The following G3BP2 variants were observed in gnomAD, a reference collection of about 807,000 sequenced individuals.
G3BP2 encodes the protein G3BP stress granule assembly factor 2.
G3BP2 carries 11 observed loss-of-function variants against 56.7 expected under a neutral mutation model. That is an observed-to-expected ratio of 0.19 (90% CI 0.12 to 0.32). The LOEUF is 0.32. Among genes scored for constraint, G3BP2 ranks in the 10% least tolerant of loss-of-function variants. G3BP2 has a pLI of 1.00. For missense variants in G3BP2, 340 were observed against 610.9 expected, an observed-to-expected ratio of 0.56 and a Z score of 4.67; for synonymous variants, 165 against 191.6, an observed-to-expected ratio of 0.86 and a Z score of 1.15.
At chr4:75,723,084 CAAG>C (rs1480942877) in intron 1 of G3BP2, among the ~76,000 whole-genome samples, 1 of 152,108 alleles carries the variant, frequency 6.6e-6, no homozygotes, top group African/African-American at 2.4e-5. Flanking sequence ...GGAAAGCTTT[CAAG>C]AATGATGTCA....
intron 10 of G3BP2, 128 bp from the exon 11 acceptor site, chr4:75,646,584 C>T: frequency 1.5e-6 from 1 of 687,104 alleles, no homozygotes; most frequent in Non-Finnish European, 2.6e-6. Context: ...AGCTTCTACA[C>T]ACAGTGATAG....
At chr4:75,659,937 G>GATC (rs773540387) in intron 2 of G3BP2, among the ~76,000 whole-genome samples, 1 of 152,284 alleles carries the variant, frequency 6.6e-6, no homozygotes, top group Non-Finnish European at 1.5e-5. Context: ...GCCTCAGAAT[G>GATC]ATCATCTCTT....
chr4:75,693,211 T>C (rs1718945244), intron 3 of G3BP2, among the ~76,000 whole-genome samples: 1 of 151,946 alleles, frequency 6.6e-6, no homozygotes, highest in African/African-American at 2.4e-5. Flanking sequence ...GCCACTTCAC[T>C]CCAGCCTGGC....
chr4:75,654,162 TTTC>T (rs1731910876), intron 7 of G3BP2, 81 bp from the exon 8 acceptor site: 1 of 696,334 alleles, frequency 1.4e-6, no homozygotes, highest in Non-Finnish European at 2.6e-6. Flanking sequence ...AAATATATAT[TTTC>T]TTTTCATTTC....
chr4:75,664,972 C>CAG lies in G3BP2; in HGVS notation c.-24-2925_-24-2924dup, dbSNP rs1732886075. Among the ~76,000 whole-genome samples the CAG allele has an allele frequency of 2.6e-5, 4 of 152,224 alleles. No homozygotes were observed. In the South Asian group the frequency reaches 8.3e-4, roughly 32 times the overall value. On this transcript the variant is annotated intron_variant, in intron 1 of 11. Coordinates refer to ENST00000359707, the MANE Select transcript of G3BP2 (RefSeq NM_203505.3). ...AGGAGTTCAAGACCAGCCTGGCCAA[C>CAG]AGAGAGACCCCATCTCTATACAAAA... is the stretch of plus-strand genomic sequence containing the variant.
At chr4:75,702,133 C>T (rs571420044) in intron 3 of G3BP2, among the ~76,000 whole-genome samples, 69 of 150,794 alleles carry the variant, frequency 4.6e-4, no homozygotes, top group Middle Eastern at 3.4e-3. Flanking sequence ...CTATAAGTGC[C>T]GTTCCCCCCT....
At chr4:75,709,699 G>A (rs1261324094) in intron 3 of G3BP2, among the ~76,000 whole-genome samples, 1 of 152,102 alleles carries the variant, frequency 6.6e-6, no homozygotes, top group African/African-American at 2.4e-5. Flanking sequence ...TGGTGGGGCG[G>A]GTTTCAGAGA....
chr4:75,665,141 G>A (rs1336768957), intron 1 of G3BP2, among the ~76,000 whole-genome samples: 2 of 152,176 alleles, frequency 1.3e-5, no homozygotes, highest in African/African-American at 4.8e-5. Context: ...CTTACAGATA[G>A]AGTGTAGCTT....
chr4:75,663,238 A>G (rs1056003351), intron 1 of G3BP2, among the ~76,000 whole-genome samples: 4 of 152,168 alleles, frequency 2.6e-5, no homozygotes, highest in African/African-American at 9.7e-5. Context: ...AAGAACAACT[A>G]ACATGAAATA....
intron 1 of G3BP2, among the ~76,000 whole-genome samples, chr4:75,667,288 TAAAAAAAA>T (rs33912343): frequency 7.3e-6 from 1 of 137,300 alleles, no homozygotes; most frequent in Non-Finnish European, 1.5e-5. Context: ...AGACACTGTT[TAAAAAAAA>T]AAAAAAAAAG....
At chr4:75,668,243 A>G (rs886596513) in intron 1 of G3BP2, among the ~76,000 whole-genome samples, 3 of 152,340 alleles carry the variant, frequency 2.0e-5, no homozygotes, top group African/African-American at 7.2e-5. Context: ...CAATGAACTT[A>G]TATTTCCTCA....
In G3BP2 at chr4:75,657,651, A is replaced by G; in HGVS notation, c.257T>C (p.Leu86Ser). The part of the protein sequence containing the change: ...KIRHVDAHAT[L>S]SDGVVVQVMG... Reference sequence around the variant, plus strand: ...GACCTGGACAACTACTCCATCACTCAAGGTTGCATGAGCATCCACATGACG... The same window carrying G: ...GACCTGGACAACTACTCCATCACTCGAGGTTGCATGAGCATCCACATGACG... Residue 86 changes from leucine (L) to serine (S), a missense_variant, in exon 4 of 12, where the codon TTG becomes TCG. By Grantham distance (145) the Leu-to-Ser change is moderately radical (BLOSUM62 -2). Transcript: ENST00000359707. The G allele has an allele frequency of 6.2e-7, 1 of 1,612,066 alleles. No individual in the cohort carries two copies.
At chr4:75,674,712 ATATATATTTTTTT>A (rs1231799458), upstream of G3BP2, among the ~76,000 whole-genome samples, 20 of 50,012 alleles carry the variant, frequency 4.0e-4, no homozygotes, top group African/African-American at 9.0e-4. Flanking sequence ...ATATATATAT[ATATATATTTTTTT>A]TTTTTTTTTT....
chr4:75,679,895 A>G (rs1734008127), intron 3 of G3BP2, among the ~76,000 whole-genome samples: 1 of 152,214 alleles, frequency 6.6e-6, no homozygotes, highest in South Asian at 2.1e-4. Flanking sequence ...CAGAACAACT[A>G]AAGATAACAT....
chr4:75,701,938 T>A (rs1719361407), intron 3 of G3BP2, among the ~76,000 whole-genome samples: 1 of 152,138 alleles, frequency 6.6e-6, no homozygotes, highest in Non-Finnish European at 1.5e-5. Context: ...ATCTTACCTA[T>A]CTAAAAGCAG....
chr4:75,659,621 T>C (rs982623941), intron 2 of G3BP2, among the ~76,000 whole-genome samples: 3 of 152,208 alleles, frequency 2.0e-5, no homozygotes, highest in African/African-American at 7.2e-5. Context: ...TAATAAAACA[T>C]GTAAGAGCTT....
At chr4:75,672,580 CACTAGGT>C (rs1458498269) in intron 1 of G3BP2, 2 of 152,296 alleles carry the variant, frequency 1.3e-5, no homozygotes, top group East Asian at 3.9e-4. Flanking sequence ...CACGACGGAA[CACTAGGT>C]ACTGGGTAAG....
chr4:75,715,496 G>A (rs1268470169), intron 3 of G3BP2, among the ~76,000 whole-genome samples: 1 of 152,160 alleles, frequency 6.6e-6, no homozygotes, highest in African/African-American at 2.4e-5. Flanking sequence ...TGGATCCCAT[G>A]TGAAAAGCTC....
At chr4:75,662,149 T>G in intron 1 of G3BP2, 100 bp from the exon 2 acceptor site, 2 of 654,106 alleles carry the variant, frequency 3.1e-6, no homozygotes, top group Non-Finnish European at 5.5e-6. Flanking sequence ...AGTGGGGAGT[T>G]GTATACCAAT....
Sources: gnomAD v4.1 joint callset for allele counts (sites outside exome capture counted in the v4.1 genomes callset) on GRCh38, gnomAD v4.1.1 for gene constraint, MANE v1.5 for transcripts, NCBI Gene and HGNC (gene_info 2026-07-23, HGNC 2026-07-21) for gene names.